SLC24A3: variants seen among roughly 807,000 people sequenced by gnomAD.
SLC24A3 encodes the protein solute carrier family 24 member 3, also known as sodium/potassium/calcium exchanger 3.
A neutral mutation model predicts 75.8 loss-of-function variants in SLC24A3; 28 were observed. That is an observed-to-expected ratio of 0.37 (90% CI 0.27 to 0.51). The LOEUF (loss-of-function observed/expected upper bound fraction) is 0.51. Among genes scored for constraint, SLC24A3 ranks in the 20% least tolerant of loss-of-function variants. The pLI, the probability that SLC24A3 is intolerant of heterozygous loss-of-function variation, is 0.94. For missense variants in SLC24A3, 663 were observed against 847.8 expected, an observed-to-expected ratio of 0.78 and a Z score of 2.71; for synonymous variants, 372 against 334.1, an observed-to-expected ratio of 1.11 and a Z score of -1.24.
chr20:19,299,751 C>CCTGTG (rs1196587483), intron 2 of SLC24A3, among the ~76,000 whole-genome samples: 1 of 152,126 alleles, frequency 6.6e-6, no homozygotes, highest in Non-Finnish European at 1.5e-5. Context: ...GAGGCTTTGA[C>CCTGTG]CTGTGTGTTA....
intron 2 of SLC24A3, among the ~76,000 whole-genome samples, chr20:19,303,212 C>T (rs771910206): frequency 2.6e-5 from 4 of 152,030 alleles, no homozygotes; most frequent in East Asian, 1.9e-4. Flanking sequence ...TTTTAGTATC[C>T]GTGTGTTCTC....
intron 6 of SLC24A3, among the ~76,000 whole-genome samples, chr20:19,609,455 G>C (rs2031642671): frequency 6.6e-6 from 1 of 151,840 alleles, no homozygotes; most frequent in African/African-American, 2.4e-5. Context: ...GACTGTGCAG[G>C]CTTTTGTTAT....
chr20:19,438,040 G>A (rs1002652060), intron 2 of SLC24A3, among the ~76,000 whole-genome samples: 6 of 152,168 alleles, frequency 3.9e-5, no homozygotes, highest in African/African-American at 1.4e-4. Flanking sequence ...GAAAGGCTCT[G>A]GCATTAGTGC....
At chr20:19,346,347 ATATATATGGTGTATATATATGTGGTG>A (rs1280608262) in intron 2 of SLC24A3, among the ~76,000 whole-genome samples, 1 of 105,022 alleles carries the variant, frequency 9.5e-6, no homozygotes, top group African/African-American at 3.5e-5. Flanking sequence ...TATATATGGT[ATATATATGGTGTATATATATGTGGTG>A]TATATATATG....
intron 1 of SLC24A3, among the ~76,000 whole-genome samples, chr20:19,221,024 C>T (rs1439878713): frequency 6.6e-6 from 1 of 152,176 alleles, no homozygotes; most frequent in African/African-American, 2.4e-5. Context: ...AAGCCTTCAC[C>T]ACTAATTTAA....
intron 9 of SLC24A3, among the ~76,000 whole-genome samples, chr20:19,680,168 GTC>G (rs1432174995): frequency 2.7e-5 from 4 of 146,864 alleles, no homozygotes; most frequent in African/African-American, 1.0e-4. Context: ...GTGTCTGTGT[GTC>G]TCTGTGTGTC....
intron 6 of SLC24A3, among the ~76,000 whole-genome samples, chr20:19,585,802 G>A (rs1346958367): frequency 3.3e-5 from 5 of 152,318 alleles, no homozygotes; most frequent in Non-Finnish European, 7.3e-5. Context: ...CAGACTGAAA[G>A]ATGTGGGTTA....
intron 2 of SLC24A3, among the ~76,000 whole-genome samples, chr20:19,290,326 G>T (rs113150818): frequency 6.6e-6 from 1 of 152,192 alleles, no homozygotes; most frequent in Admixed American, 6.5e-5. Flanking sequence ...CTTCCAGGGG[G>T]TTATAGTCTG....
chr20:19,372,556 A>G (rs920424748), intron 2 of SLC24A3, among the ~76,000 whole-genome samples: 11 of 152,208 alleles, frequency 7.2e-5, no homozygotes, highest in African/African-American at 2.7e-4. Flanking sequence ...GTGTCGTTCA[A>G]TTGCTTCCTA....
intron 2 of SLC24A3, among the ~76,000 whole-genome samples, chr20:19,424,172 A>G (rs542284034): frequency 4.6e-5 from 7 of 152,278 alleles, no homozygotes; most frequent in African/African-American, 1.2e-4. Flanking sequence ...AATACCCAAG[A>G]CAATTTCCTG....
intron 2 of SLC24A3, among the ~76,000 whole-genome samples, chr20:19,469,762 G>A (rs967097097): frequency 7.2e-5 from 11 of 152,212 alleles, no homozygotes; most frequent in African/African-American, 2.4e-4. Context: ...GGGAAGAGTG[G>A]CCTGAGGTCT....
chr20:19,371,371 C>G (rs1702413975), intron 2 of SLC24A3, among the ~76,000 whole-genome samples: 1 of 151,850 alleles, frequency 6.6e-6, no homozygotes, highest in Non-Finnish European at 1.5e-5. Context: ...GATCACCGAG[C>G]AGTCTGCTCT....
At chr20:19,712,555 A>G (rs1225556219) in intron 15 of SLC24A3, among the ~76,000 whole-genome samples, 1 of 152,174 alleles carries the variant, frequency 6.6e-6, no homozygotes, top group Non-Finnish European at 1.5e-5. Flanking sequence ...AGTGTGCTTA[A>G]GGTGCTGACT....
chr20:19,567,828 C>A (rs1373630779), intron 3 of SLC24A3, among the ~76,000 whole-genome samples: 2 of 152,018 alleles, frequency 1.3e-5, no homozygotes, highest in African/African-American at 4.8e-5. Context: ...AGGACACAAT[C>A]AATAGAGTGA....
chr20:19,223,068 G>A (rs550410728), intron 1 of SLC24A3, among the ~76,000 whole-genome samples: 36 of 152,174 alleles, frequency 2.4e-4, no homozygotes, highest in South Asian at 1.9e-3. Flanking sequence ...CGAGGTGGGC[G>A]GATCATCTGA....
chr20:19,369,528 A>G (rs1985955249), intron 2 of SLC24A3, among the ~76,000 whole-genome samples: 1 of 152,232 alleles, frequency 6.6e-6, no homozygotes, highest in South Asian at 2.1e-4. Flanking sequence ...AAAGACATTA[A>G]TGATAATGAA....
At chr20:19,482,723 C>A (rs1372992336) in intron 2 of SLC24A3, among the ~76,000 whole-genome samples, 1 of 152,204 alleles carries the variant, frequency 6.6e-6, no homozygotes, top group South Asian at 2.1e-4. Flanking sequence ...GAGGACAGAA[C>A]CTATACCTTG....
chr20:19,541,288 G>T (rs1379547892), intron 3 of SLC24A3, among the ~76,000 whole-genome samples: 3 of 152,220 alleles, frequency 2.0e-5, no homozygotes, highest in African/African-American at 7.2e-5. Context: ...GTCTCTGGAA[G>T]ATGTTGGAGC....
intron 6 of SLC24A3, among the ~76,000 whole-genome samples, chr20:19,604,971 A>G (rs2031576418): frequency 6.6e-6 from 1 of 152,150 alleles, no homozygotes; most frequent in Non-Finnish European, 1.5e-5. Context: ...CATTTTGATT[A>G]ACGGATCCCA....
Sources: gnomAD v4.1 joint callset for allele counts (sites outside exome capture counted in the v4.1 genomes callset) on GRCh38, gnomAD v4.1.1 for gene constraint, MANE v1.5 for transcripts, NCBI Gene and HGNC (gene_info 2026-07-23, HGNC 2026-07-21) for gene names.